The following COL22A1 variants were observed in gnomAD, a reference collection of about 807,000 sequenced individuals.
The protein encoded by COL22A1 is collagen alpha-1(XXII) chain.
A neutral mutation model predicts 248.9 loss-of-function variants in COL22A1; 221 were observed. The observed-to-expected ratio is 0.89, with a 90% CI of 0.80 to 0.99. COL22A1 has a LOEUF of 0.99. Ranked by LOEUF, COL22A1 falls within the 50% of genes least tolerant of loss-of-function variation. COL22A1 has a pLI of 0.00. For synonymous variants in COL22A1, 891 were observed against 793.4 expected (o/e 1.12, Z -2.07); for missense variants, 2,240 against 2,179.0 (o/e 1.03, Z -0.56).
intron 60 of COL22A1, among the ~76,000 whole-genome samples, chr8:138,601,767 C>G (rs1042958998): frequency 6.6e-6 from 1 of 152,192 alleles, no homozygotes; most frequent in African/African-American, 2.4e-5. Context: ...GGGAGCCGAG[C>G]CCGTCTCGGC....
intron 22 of COL22A1, among the ~76,000 whole-genome samples, chr8:138,747,636 T>C (rs1484151075): frequency 6.6e-6 from 1 of 152,194 alleles, no homozygotes; most frequent in East Asian, 1.9e-4. Flanking sequence ...CCTTCCTGCA[T>C]CACCTGCTTA....
At chr8:138,753,723 G>T (rs955072409) in intron 21 of COL22A1, among the ~76,000 whole-genome samples, 2 of 152,128 alleles carry the variant, frequency 1.3e-5, no homozygotes, top group East Asian at 3.9e-4. Flanking sequence ...TTGATATAAG[G>T]TAGGTGGTCA....
chr8:138,681,457 A>T (rs1218167955), intron 39 of COL22A1, among the ~76,000 whole-genome samples: 1 of 152,176 alleles, frequency 6.6e-6, no homozygotes, highest in Non-Finnish European at 1.5e-5. Context: ...GTGGTCATAC[A>T]GAAGGAGCAT....
At chr8:138,630,956 A>C (rs183549640) in intron 49 of COL22A1, among the ~76,000 whole-genome samples, 108 of 152,310 alleles carry the variant, frequency 7.1e-4, no homozygotes, top group African/African-American at 2.5e-3. Flanking sequence ...GGTTTAGCAC[A>C]ATCCCCTTGG....
chr8:138,876,154 C>T (rs1823701035), intron 3 of COL22A1, among the ~76,000 whole-genome samples: 1 of 152,154 alleles, frequency 6.6e-6, no homozygotes. Context: ...TGCCCAGCAG[C>T]CCTAACCTCC....
At chr8:138,802,698 G>A (rs1817102181) in intron 11 of COL22A1, among the ~76,000 whole-genome samples, 174 bp downstream of exon 11, 1 of 152,106 alleles carries the variant, frequency 6.6e-6, no homozygotes, top group African/African-American at 2.4e-5. Flanking sequence ...TATTCAGCAG[G>A]CCTCCATGCC....
chr8:138,688,920 C>T lies in COL22A1; in HGVS notation c.2859G>A (p.Glu953=). ...GTPGKDGERG[E]KGAAGEEGSP... is the part of the protein sequence containing the mutation. ...TGAGAGATCATATTGGTCTTACCTT[C>T]TCACCACGCTCCCCATCTTTCCCTG... is the stretch of plus-strand genomic sequence containing the variant. The change falls in exon 37 of 65, where the codon GAG becomes GAA. Residue 953 remains glutamate (E), a synonymous_variant. Coordinates refer to ENST00000303045, the MANE Select transcript of COL22A1 (RefSeq NM_152888.3). 1 of 1,612,908 alleles carries T rather than the reference C, an allele frequency of 6.2e-7. No homozygotes were observed. Among genetic ancestry groups the T allele is most frequent in the African/African-American group, 1.3e-5 (1 of 74,998 alleles).
chr8:138,704,073 G>T (rs1828198146), intron 30 of COL22A1, among the ~76,000 whole-genome samples: 1 of 152,230 alleles, frequency 6.6e-6, no homozygotes, highest in Admixed American at 6.5e-5. Flanking sequence ...AGCGAGGCTG[G>T]GGGAGGGGCG....
intron 3 of COL22A1, among the ~76,000 whole-genome samples, chr8:138,870,217 T>C (rs62635348): frequency 0.36 from 54,664 of 151,532 alleles, 11,381 homozygotes; most frequent in African/African-American, 0.56. Flanking sequence ...GTACATTGTA[T>C]GTATGTAGGT....
intron 36 of COL22A1, among the ~76,000 whole-genome samples, chr8:138,689,221 G>A (rs1826626906): frequency 6.6e-6 from 1 of 152,000 alleles, no homozygotes; most frequent in Non-Finnish European, 1.5e-5. Context: ...ATGGTCTGCT[G>A]GAAGCTTTAC....
Position 138,660,372 on chromosome 8 carries a change from T to G in COL22A1, c.3285+64A>C. The G allele has an allele frequency of 2.7e-6, 4 of 1,474,978 alleles. No individual in the cohort carries two copies. The South Asian group carries it at 4.6e-5, about 17-fold the overall frequency. 91.4% of individuals were successfully genotyped at this position (1,474,978 alleles called of 1,614,324 possible). On this transcript the variant is annotated intron_variant, in intron 44 of 64. Transcript: ENST00000303045. The stretch of plus-strand genomic sequence containing the variant: ...AACCTCTTGAACTTTCTGAGTTGCA[T>G]TTTTTCTCTTGCTTACGCCCTGACT...
rs145161854 is a variant in COL22A1, at chr8:138,655,921, T to C, written c.3309A>G (p.Pro1103=). 19 of 1,612,708 alleles carry C rather than the reference T, an allele frequency of 1.2e-5. No homozygotes were observed. In the African/African-American group the frequency reaches 2.4e-4, roughly 20 times the overall value. The change falls in exon 45 of 65, where the codon CCA becomes CCG. Residue 1103 remains proline, a synonymous_variant. Coordinates refer to ENST00000303045, the MANE Select transcript of COL22A1 (RefSeq NM_152888.3). The part of the protein sequence containing the change: ...GKPGLSSLLS[P]GDINLLAKDV... ...CCTTAGCCAAGAGATTTATGTCCCC[T>C]GGAGACAGTAGTGAAGAGAGGCCCT... is the stretch of plus-strand genomic sequence containing the variant.
chr8:138,770,494 C>T lies in COL22A1; in HGVS notation c.1803+5472G>A, dbSNP rs567972620. On this transcript the variant is annotated intron_variant, in intron 16 of 64. Coordinates refer to ENST00000303045, the MANE Select transcript of COL22A1 (RefSeq NM_152888.3). ...TCCCTGCTTTACAGGGAATGCCCTG[C>T]CCTGGGGCTGTTAGAGGTGGCCTCA... Among the ~76,000 whole-genome samples, 162 of 152,366 alleles carry T rather than the reference C, an allele frequency of 1.1e-3. 1 individual carries two copies. The highest frequency in any genetic ancestry group is 3.7e-3 in the African/African-American group (154 of 41,586).
rs568711103 is a variant in COL22A1 at position 138,626,347 on chromosome 8, T to G, written c.3664-104A>C. On this transcript the variant is annotated intron_variant, in intron 50 of 64. Transcript: ENST00000303045. ...ATTCATGGGTTGGGGGAGTGAGTGT[T>G]TGGTGAGAAACAAGGAGTGCTTCTG... 33 of 929,612 alleles carry G rather than the reference T, an allele frequency of 3.5e-5. No individual in the cohort carries two copies. The East Asian group carries it at 6.1e-4, about 17-fold the overall frequency. The allele number at this position is 929,612 out of a possible 1,614,324, so 57.6% of individuals were successfully genotyped here.
At chr8:138,628,757 C>T (rs552494845) in intron 50 of COL22A1, among the ~76,000 whole-genome samples, 1,649 of 84,836 alleles carry the variant, frequency 0.019, 14 homozygotes, top group South Asian at 0.11. Flanking sequence ...CCTAGATCCA[C>T]ATCTTTTTTT....
At chr8:138,841,809 A>C (rs1191761562) in intron 4 of COL22A1, among the ~76,000 whole-genome samples, 1 of 152,148 alleles carries the variant, frequency 6.6e-6, no homozygotes, top group Non-Finnish European at 1.5e-5. Flanking sequence ...ATTTTCTTTC[A>C]ACTCTTCCAG....
At position 138,715,385 on chromosome 8, in the gene COL22A1, A is replaced by G. The variant is rs372528923; in HGVS notation, c.2517+297T>C. On this transcript the variant is annotated intron_variant, in intron 30 of 64. Transcript: ENST00000303045. ...GGAGTTCAAGACCAGACTGGCTAAC[A>G]TGGAGAAATCTCGTCTCTACTAAAA... is the stretch of plus-strand genomic sequence containing the variant. 5.5e-4 allele frequency among the ~76,000 whole-genome samples: 84 copies of G among 152,050 alleles called. 2 individuals are homozygous for G. The highest frequency in any genetic ancestry group is 1.9e-3 in the African/African-American group (80 of 41,462).
intron 30 of COL22A1, among the ~76,000 whole-genome samples, chr8:138,704,667 G>A (rs1161150743): frequency 2.6e-5 from 4 of 152,090 alleles, no homozygotes; most frequent in African/African-American, 9.7e-5. Flanking sequence ...CCACAAAGAT[G>A]GGGAGAAACC....
chr8:138,763,243 C>T (rs929189628), intron 16 of COL22A1, among the ~76,000 whole-genome samples: 2 of 151,950 alleles, frequency 1.3e-5, no homozygotes, highest in East Asian at 1.9e-4. Flanking sequence ...AAAAATTAGC[C>T]GGGTGTGGTG....
Sources: allele counts gnomAD v4.1 joint callset (sites outside exome capture counted in the v4.1 genomes callset), GRCh38; gene constraint gnomAD v4.1.1; transcripts MANE v1.5; gene names NCBI Gene and HGNC (gene_info 2026-07-23, HGNC 2026-07-21).